The following DOHH variants were observed in gnomAD, a reference collection of about 807,000 sequenced individuals.
DOHH encodes the protein deoxyhypusine hydroxylase.
In DOHH, 16 loss-of-function variants were observed where a neutral mutation model predicts 19.9. That is an observed-to-expected ratio of 0.80 (90% CI 0.54 to 1.22). The LOEUF is 1.22. Ranked by LOEUF, DOHH falls within the 50% of genes most tolerant of loss-of-function variation. The pLI, the probability that DOHH is intolerant of heterozygous loss-of-function variation, is 0.00. For synonymous variants in DOHH, 233 were observed against 217.0 expected (o/e 1.07, Z -0.65); for missense variants, 460 against 460.6 (o/e 1.00, Z 0.01).
Position 3,492,474 on chromosome 19 carries a change from A to C in DOHH, c.377T>G (p.Val126Gly). The C allele has an allele frequency of 7.1e-7, 1 of 1,410,718 alleles. No individual in the cohort carries two copies. The highest frequency in any genetic ancestry group is 1.5e-5 in the South Asian group (1 of 65,968). The allele number at this position is 1,410,718 out of a possible 1,614,324, so 87.4% of individuals were successfully genotyped here. The change falls in exon 4 of 5, where the codon GTG becomes GGG. Residue 126 changes from valine (V) to glycine (G), a missense_variant. Val to Gly is a moderately radical substitution (Grantham distance 109). Transcript: ENST00000427575. ...CTGCTGCAGCCACTCCAGCCTGCGC[A>C]CGGCCAGCTGGCAGGTCTCGGCCAC... ...IEVAETCQLA[V>G]RRLEWLQQHG...
In DOHH at chr19:3,491,513, C is replaced by G; in HGVS notation, c.888G>C (p.Gln296His). The G allele has an allele frequency of 6.5e-7, 1 of 1,534,702 alleles. No individual in the cohort carries two copies. Among genetic ancestry groups the G allele is most frequent in the Non-Finnish European group, 8.7e-7 (1 of 1,146,408 alleles). ...RAFQYADGLE[Q>H]LRGAPS ...GGCCCTAGGAGGGGGCCCCGCGCAG[C>G]TGCTCCAGGCCGTCCGCGTACTGGA... Residue 296 changes from glutamine to histidine, a missense_variant, in exon 5 of 5, where the codon CAG (glutamine) becomes CAC (histidine). Physicochemically the swap from Gln to His is conservative, Grantham distance 24. Coordinates refer to ENST00000427575, the MANE Select transcript of DOHH (RefSeq NM_001145165.2). This position sits in a 1 kb window ranked among gnomAD's most constrained non-coding sequence, Gnocchi z 5.6.
At chr19:3,500,080 A>G (rs1458718073) in intron 1 of DOHH, among the ~76,000 whole-genome samples, 2 of 147,190 alleles carry the variant, frequency 1.4e-5, no homozygotes, top group Non-Finnish European at 3.0e-5. Context: ...AAAAGAACAC[A>G]GCCAAGGGGA....
In DOHH at chr19:3,491,476, G is replaced by C. The variant is rs1388830861; in HGVS notation, c.*16C>G. ...CCCTCAAGAGTCCTCCGGGAGCTCC[G>C]GGTGAGGGTGGGGCCCTAGGAGGGG... On this transcript the variant is annotated 3_prime_UTR_variant, in exon 5 of 5. Transcript: ENST00000427575. This position sits in a 1 kb window ranked among gnomAD's most constrained non-coding sequence, Gnocchi z 5.6. The C allele has an allele frequency of 3.3e-6, 5 of 1,527,438 alleles. No individual in the cohort carries two copies. The East Asian group carries it at 7.4e-5, about 22-fold the overall frequency. 94.6% of individuals were successfully genotyped at this position (1,527,438 alleles called of 1,614,324 possible).
chr19:3,498,278 G>A (rs1259124971), intron 1 of DOHH, among the ~76,000 whole-genome samples: 3 of 152,312 alleles, frequency 2.0e-5, no homozygotes, highest in East Asian at 3.9e-4. Context: ...AGCACTGACT[G>A]AGTGGTTAAG....
intron 1 of DOHH, among the ~76,000 whole-genome samples, chr19:3,498,651 C>T (rs1360740437): frequency 6.6e-6 from 1 of 152,058 alleles, no homozygotes. Flanking sequence ...GTGATCCACC[C>T]GCCTCAGCCT....
At chr19:3,494,132 G>T (rs1242032397) in intron 2 of DOHH, 28 bp from the exon 3 acceptor site, 11 of 1,601,576 alleles carry the variant, frequency 6.9e-6, no homozygotes. Context: ...GAGAGCTCAT[G>T]TTGGTGGGGT....
In DOHH at chr19:3,492,356, CA is replaced by C; in HGVS notation, c.494del (p.Leu165ArgfsTer163). 1 of 1,543,204 alleles carries C rather than the reference CA, an allele frequency of 6.5e-7. No homozygotes were observed. The highest frequency in any genetic ancestry group is 8.7e-7 in the Non-Finnish European group (1 of 1,151,716). Reference protein sequence around the residue: ...ERDVGRLREALLDESRPLFER... With the variant: ...ERDVGRLREAXLDESRPLFER... ...CGAAGAGCGGCCGGGACTCATCCAGCAGCGCCTCCCGCAGGCGCCCCACGTC... is the reference window on the plus strand; with the variant it reads ...CGAAGAGCGGCCGGGACTCATCCAGCGCGCCTCCCGCAGGCGCCCCACGTC... On this transcript the variant is annotated frameshift_variant, in exon 4 of 5. Transcript: ENST00000427575. LOFTEE classifies it high-confidence loss of function.
chr19:3,493,666 G>C (rs563853178), intron 3 of DOHH, among the ~76,000 whole-genome samples: 2 of 152,234 alleles, frequency 1.3e-5, no homozygotes, highest in Non-Finnish European at 2.9e-5. Context: ...AAGAGGTCTG[G>C]TGGGCCAGGA....
rs770033950 is a variant in DOHH at position 3,491,344 on chromosome 19, C to G, written c.*148G>C. 1 of 845,928 alleles carries G rather than the reference C, an allele frequency of 1.2e-6. No homozygotes were observed. Among genetic ancestry groups the G allele is most frequent in the Non-Finnish European group, 1.8e-6 (1 of 558,594 alleles). 52.4% of individuals were successfully genotyped at this position (845,928 alleles called of 1,614,324 possible). On this transcript the variant is annotated 3_prime_UTR_variant, in exon 5 of 5. Coordinates refer to ENST00000427575, the MANE Select transcript of DOHH (RefSeq NM_001145165.2). This position sits in a 1 kb window ranked among gnomAD's most constrained non-coding sequence, Gnocchi z 5.6. ...ACAGCACAACGGCAGCTCCTCGGTCCCAGACGGAGGAGGGGGACAGCAACC... is the reference window on the plus strand; with the variant it reads ...ACAGCACAACGGCAGCTCCTCGGTCGCAGACGGAGGAGGGGGACAGCAACC...
At chr19:3,497,295 G>C (rs2082915960) in intron 1 of DOHH, among the ~76,000 whole-genome samples, 1 of 152,244 alleles carries the variant, frequency 6.6e-6, no homozygotes, top group Non-Finnish European at 1.5e-5. Flanking sequence ...AGATGGAACA[G>C]AGCAAGACTT....
Position 3,491,993 on chromosome 19 carries a change from T to C in DOHH, c.590-182A>G, listed in dbSNP as rs2082873337. ...GAGCCACCACGCCCAACCTGGGGTG[T>C]TCTACCTTGAAGACACCCCTGCCCC... On this transcript the variant is annotated intron_variant, in intron 4 of 4. Coordinates refer to ENST00000427575, the MANE Select transcript of DOHH (RefSeq NM_001145165.2). This position sits in a 1 kb window ranked among gnomAD's most constrained non-coding sequence, Gnocchi z 5.6. 6.6e-6 allele frequency among the ~76,000 whole-genome samples: 1 copy of C among 152,110 alleles called. No homozygotes were observed. Among genetic ancestry groups the C allele is most frequent in the Non-Finnish European group, 1.5e-5 (1 of 68,000 alleles).
At position 3,491,720 on chromosome 19, in the gene DOHH, G is replaced by T; in HGVS notation, c.681C>A (p.Ala227=). The T allele has an allele frequency of 6.6e-7, 1 of 1,510,448 alleles. No individual in the cohort carries two copies. The allele number at this position is 1,510,448 out of a possible 1,614,324, so 93.6% of individuals were successfully genotyped here. A position where few individuals can be genotyped will look rare whatever the true frequency, so the allele number is the denominator to read the frequency against. Residue 227 remains alanine, a synonymous_variant, in exon 5 of 5, where the codon GCC becomes GCA. Coordinates refer to ENST00000427575, the MANE Select transcript of DOHH (RefSeq NM_001145165.2). This position sits in a 1 kb window ranked among gnomAD's most constrained non-coding sequence, Gnocchi z 5.6. Reference sequence around the variant, plus strand: ...GGTTCTCGGTGCATCGGGCCAGGGCGGCCGCCAGCTGGGGCACCGCCGCCT... The same window carrying T: ...GGTTCTCGGTGCATCGGGCCAGGGCTGCCGCCAGCTGGGGCACCGCCGCCT... The part of the protein sequence containing the change: ...QHEAAVPQLA[A]ALARCTENPM...
intron 1 of DOHH, among the ~76,000 whole-genome samples, chr19:3,498,097 C>T (rs79651653): frequency 0.039 from 5,921 of 152,278 alleles, 139 homozygotes; most frequent in Middle Eastern, 0.068. Flanking sequence ...CCTCTTCCCT[C>T]TCTAGCTCCA....
At chr19:3,497,321 A>G (rs2082916100) in intron 1 of DOHH, among the ~76,000 whole-genome samples, 1 of 152,260 alleles carries the variant, frequency 6.6e-6, no homozygotes, top group South Asian at 2.1e-4. Flanking sequence ...GTTAGGGCAT[A>G]AAAAGCACAA....
chr19:3,499,665 G>A (rs1257806841), intron 1 of DOHH, among the ~76,000 whole-genome samples: 4 of 152,246 alleles, frequency 2.6e-5, no homozygotes, highest in East Asian at 3.9e-4. Flanking sequence ...CCAGCTACTC[G>A]GGAGGCTGAG....
rs147575040 is a variant in DOHH, at chr19:3,498,436, C to T, written c.-72-1550G>A. Among the ~76,000 whole-genome samples the T allele has an allele frequency of 4.4e-3, 673 of 151,308 alleles. 8 individuals are homozygous for T. The highest frequency in any genetic ancestry group is 0.016 in the African/African-American group (652 of 41,246). ...TTTTTTTTTTTTTGAGACAGAGTTT[C>T]GCTCTTTTGCCCAGGCTGGAGTGTA... On this transcript the variant is annotated intron_variant, in intron 1 of 4. Transcript: ENST00000427575.
In DOHH at chr19:3,490,833, A is replaced by G. The variant is rs886168256; in HGVS notation, c.*659T>C. The G allele has an allele frequency of 6.6e-6, 1 of 151,524 alleles. No homozygotes were observed. Among genetic ancestry groups the G allele is most frequent in the Non-Finnish European group, 1.5e-5 (1 of 67,900 alleles). 9.4% of individuals were successfully genotyped at this position (151,524 alleles called of 1,614,324 possible). A position where few individuals can be genotyped will look rare whatever the true frequency, so the allele number is the denominator to read the frequency against. ...TCAGAGGAGTCAGTGCTTGGCAAAAATAATTTAATATTCCATCTGGGCAGC... is the reference window on the plus strand; with the variant it reads ...TCAGAGGAGTCAGTGCTTGGCAAAAGTAATTTAATATTCCATCTGGGCAGC... On this transcript the variant is annotated 3_prime_UTR_variant, in exon 5 of 5. Coordinates refer to ENST00000427575, the MANE Select transcript of DOHH (RefSeq NM_001145165.2).
At chr19:3,495,872 G>A (rs1321758777) in intron 2 of DOHH, among the ~76,000 whole-genome samples, 2 of 151,960 alleles carry the variant, frequency 1.3e-5, no homozygotes, top group Non-Finnish European at 2.9e-5. Context: ...CGGCACCACA[G>A]TACCCCAGCC....
intron 4 of DOHH, 99 bp downstream of exon 4, chr19:3,492,163 C>T (rs1388348045): frequency 8.8e-7 from 1 of 1,140,634 alleles, no homozygotes; most frequent in Non-Finnish European, 1.2e-6. Context: ...CCCGGGATGC[C>T]GTTCCCGGGG....
Sources: allele counts gnomAD v4.1 joint callset (sites outside exome capture counted in the v4.1 genomes callset), GRCh38; gene constraint gnomAD v4.1.1; non-coding constraint Gnocchi (gnomAD v3.1); transcripts MANE v1.5; gene names NCBI Gene and HGNC (gene_info 2026-07-23, HGNC 2026-07-21).